Variants in ANKRD11 observed in about 807,000 individuals in gnomAD.
ANKRD11 encodes the protein ankyrin repeat domain-containing protein 11.
A neutral mutation model predicts 195.7 loss-of-function variants in ANKRD11; 17 were observed. The ratio of observed to expected loss-of-function variants is 0.09; its 90% confidence interval spans 0.06 to 0.13. ANKRD11 has a LOEUF of 0.13. ANKRD11 is among the 10% of genes least tolerant of loss of function. The probability of loss-of-function intolerance (pLI) is 1.00; values close to 1 mark genes in which losing one functional copy is unlikely to be tolerated. For synonymous variants in ANKRD11, 1,953 were observed against 1,528.1 expected, an observed-to-expected ratio of 1.28 and a Z score of -6.49; for missense variants, 3,735 against 3,566.1, an observed-to-expected ratio of 1.05 and a Z score of -1.21.
At chr16:89,383,576 G>C (rs2040759020) in intron 2 of ANKRD11, among the ~76,000 whole-genome samples, 1 of 152,372 alleles carries the variant, frequency 6.6e-6, no homozygotes, top group South Asian at 2.1e-4. Flanking sequence ...AGCACGGCCA[G>C]GAATGGCCAA....
intron 7 of ANKRD11, chr16:89,288,253 C>G (rs1382191045): frequency 1.6e-6 from 1 of 629,134 alleles, no homozygotes; most frequent in East Asian, 2.7e-5. Flanking sequence ...TAATCCTTCA[C>G]CTGCTCAAAT....
chr16:89,445,195 T>C (rs1414822785), intron 1 of ANKRD11, among the ~76,000 whole-genome samples: 1 of 152,266 alleles, frequency 6.6e-6, no homozygotes, highest in Non-Finnish European at 1.5e-5. Flanking sequence ...CTTATCCATG[T>C]GGCTTGTTTA....
intron 1 of ANKRD11, among the ~76,000 whole-genome samples, chr16:89,425,914 C>T (rs74620171): frequency 0.046 from 7,029 of 152,178 alleles, 254 homozygotes; most frequent in East Asian, 0.18. Flanking sequence ...ATGAATGTTC[C>T]CAAACAATTC....
At chr16:89,488,138 TAGAAC>T (rs2057682662) in intron 1 of ANKRD11, among the ~76,000 whole-genome samples, 1 of 152,066 alleles carries the variant, frequency 6.6e-6, no homozygotes, top group Non-Finnish European at 1.5e-5. Flanking sequence ...ACAGCAAAAA[TAGAAC>T]AGAAGAAAAA....
At chr16:89,328,380 A>C (rs1391567298) in intron 2 of ANKRD11, among the ~76,000 whole-genome samples, 2 of 152,226 alleles carry the variant, frequency 1.3e-5, no homozygotes, top group African/African-American at 2.4e-5. Context: ...TGTGAACACA[A>C]AGACCTGTTT....
At chr16:89,462,598 A>G (rs76516403) in intron 1 of ANKRD11, among the ~76,000 whole-genome samples, 3 of 150,272 alleles carry the variant, frequency 2.0e-5, no homozygotes, top group African/African-American at 7.4e-5. Context: ...GTCTCCGCCC[A>G]GCCGCCATCC....
intron 4 of ANKRD11, among the ~76,000 whole-genome samples, chr16:89,294,702 C>A (rs764654619): frequency 6.6e-6 from 1 of 152,210 alleles, no homozygotes; most frequent in Non-Finnish European, 1.5e-5. Context: ...GGGTCCTTGA[C>A]GTGCACACAC....
chr16:89,467,862 G>A (rs1471955255), intron 1 of ANKRD11, among the ~76,000 whole-genome samples: 1 of 152,068 alleles, frequency 6.6e-6, no homozygotes, highest in Non-Finnish European at 1.5e-5. Flanking sequence ...GTGGAGTGGC[G>A]TGATCTCAGC....
chr16:89,470,236 A>G (rs1419632418), intron 1 of ANKRD11, among the ~76,000 whole-genome samples: 1 of 152,080 alleles, frequency 6.6e-6, no homozygotes, highest in Admixed American at 6.5e-5. Flanking sequence ...AATTCTTACA[A>G]GAAAACCAAA....
chr16:89,424,514 G>A (rs575710839), intron 1 of ANKRD11, among the ~76,000 whole-genome samples: 1 of 152,122 alleles, frequency 6.6e-6, no homozygotes, highest in East Asian at 1.9e-4. Flanking sequence ...CCAGTCTTTG[G>A]GTGTGGACGG....
intron 2 of ANKRD11, among the ~76,000 whole-genome samples, chr16:89,359,457 G>A (rs1416812398): frequency 6.6e-6 from 1 of 152,216 alleles, no homozygotes; most frequent in African/African-American, 2.4e-5. Context: ...GCACACGTCT[G>A]CTGCAGCCCC....
intron 3 of ANKRD11, among the ~76,000 whole-genome samples, chr16:89,312,597 C>G (rs944537061): frequency 6.6e-6 from 1 of 152,012 alleles, no homozygotes; most frequent in African/African-American, 2.4e-5. Flanking sequence ...CCTTTTCTGC[C>G]TTAGTGAAAA....
intron 2 of ANKRD11, among the ~76,000 whole-genome samples, chr16:89,391,293 G>C (rs1289124240): frequency 6.6e-6 from 1 of 151,984 alleles, no homozygotes; most frequent in African/African-American, 2.4e-5. Flanking sequence ...ATTCAGGGCA[G>C]GTCGCTGAGA....
chr16:89,410,753 C>T (rs1029265486), intron 2 of ANKRD11, among the ~76,000 whole-genome samples: 5 of 152,246 alleles, frequency 3.3e-5, no homozygotes, highest in African/African-American at 9.6e-5. Flanking sequence ...AAAGAACCCT[C>T]GCTTCTCATT....
intron 2 of ANKRD11, among the ~76,000 whole-genome samples, chr16:89,405,191 C>G (rs1040420151): frequency 2.6e-5 from 4 of 152,072 alleles, no homozygotes; most frequent in Admixed American, 2.0e-4. Context: ...AAGACTCCAT[C>G]TCAAAAAAAT....
chr16:89,317,749 T>C (rs1030086435), intron 2 of ANKRD11, among the ~76,000 whole-genome samples: 16 of 152,142 alleles, frequency 1.1e-4, no homozygotes, highest in African/African-American at 2.2e-4. Context: ...ACTGTATTAA[T>C]TGTATATTAT....
In ANKRD11 at chr16:89,274,925, A is replaced by C. The variant is rs770056407; in HGVS notation, c.7602T>G (p.Ile2534Met). The change falls in exon 11 of 13, where the codon ATT (isoleucine) becomes ATG (methionine). Residue 2534 changes from isoleucine to methionine, a missense_variant. By Grantham distance (10) the Ile-to-Met change is conservative. Coordinates refer to ENST00000301030, the MANE Select transcript of ANKRD11 (RefSeq NM_013275.6). ...EKLIVSCEQE[I>M]LRVHCRAART... ...TGGCCGCCCGGCAGTGAACCCGCAG[A>C]ATCTCCTGCTCACAGGATACGATCA... The C allele has an allele frequency of 6.2e-7, 1 of 1,613,632 alleles. No homozygotes were observed. Among genetic ancestry groups the C allele is most frequent in the Admixed American group, 1.7e-5 (1 of 60,032 alleles).
intron 2 of ANKRD11, among the ~76,000 whole-genome samples, chr16:89,351,877 G>T (rs911048027): frequency 2.6e-5 from 4 of 152,194 alleles, no homozygotes; most frequent in Non-Finnish European, 5.9e-5. Flanking sequence ...CTTTATCTGG[G>T]TAAGCCTACG....
At position 89,372,033 on chromosome 16, in the gene ANKRD11, ACTGAG is replaced by A. The variant is rs2152082638; in HGVS notation, c.-60+46246_-60+46250del. On this transcript the variant is annotated intron_variant, in intron 2 of 12. Transcript: ENST00000301030. ...GGGCCAAGAACATGGTGAAGCCAGGACTGAGCACTCACACTGAAACCAGTGGGTCC... is the reference window on the plus strand; with the variant it reads ...GGGCCAAGAACATGGTGAAGCCAGGACACTCACACTGAAACCAGTGGGTCC... 2.0e-5 allele frequency among the ~76,000 whole-genome samples: 3 copies of A among 152,352 alleles called. No individual in the cohort carries two copies. The South Asian group carries it at 6.2e-4, about 32-fold the overall frequency.
Sources: allele counts gnomAD v4.1 joint callset (sites outside exome capture counted in the v4.1 genomes callset), GRCh38; gene constraint gnomAD v4.1.1; transcripts MANE v1.5; gene names NCBI Gene and HGNC (gene_info 2026-07-23, HGNC 2026-07-21).